Variants in LINC01488 observed in about 807,000 individuals in gnomAD.
The protein encoded by LINC01488 is CCND1-upstream intergenic DNA repair 1.
At chr11:69,487,701 G>A (rs906086427) in intron 1 of LINC01488, among the ~76,000 whole-genome samples, 4 of 152,164 alleles carry the variant, frequency 2.6e-5, no homozygotes, top group African/African-American at 9.7e-5. Flanking sequence ...GTGTGGGTGG[G>A]TGTCTCTTGT....
At chr11:69,488,683 C>T (rs995589774) in intron 1 of LINC01488, among the ~76,000 whole-genome samples, 3 of 152,236 alleles carry the variant, frequency 2.0e-5, no homozygotes, top group African/African-American at 4.8e-5. Context: ...CGCAGGGACA[C>T]ACAGCTCATG....
intron 1 of LINC01488, among the ~76,000 whole-genome samples, chr11:69,490,286 C>T (rs796460925): frequency 7.2e-5 from 11 of 152,334 alleles, no homozygotes; most frequent in African/African-American, 2.6e-4. Context: ...AGCGGTAAGG[C>T]TGGCAGGACT....
chr11:69,482,505 T>A (rs939735755), intron 1 of LINC01488, among the ~76,000 whole-genome samples: 1 of 151,330 alleles, frequency 6.6e-6, no homozygotes, highest in African/African-American at 2.4e-5. Context: ...CATGAATGGA[T>A]GAGTGGATGG....
intron 1 of LINC01488, among the ~76,000 whole-genome samples, chr11:69,482,075 AC>A (rs1439232236): frequency 2.0e-5 from 3 of 152,044 alleles, no homozygotes; most frequent in African/African-American, 7.2e-5. Flanking sequence ...ACAAAGACAT[AC>A]CTGAGACTGC....
chr11:69,487,089 G>A (rs1335306237), intron 1 of LINC01488, among the ~76,000 whole-genome samples: 1 of 152,240 alleles, frequency 6.6e-6, no homozygotes, highest in African/African-American at 2.4e-5. Flanking sequence ...GGTGGCCTGG[G>A]GCGGCTGCCG....
At chr11:69,485,498 G>A (rs1432922611) in intron 1 of LINC01488, 1 of 152,294 alleles carries the variant, frequency 6.6e-6, no homozygotes. Context: ...CTGCGGATGA[G>A]GTGGGACCCT....
intron 1 of LINC01488, chr11:69,485,879 C>G (rs1472196983): frequency 1.3e-5 from 2 of 152,222 alleles, no homozygotes; most frequent in African/African-American, 4.8e-5. Flanking sequence ...AGCAGGACCC[C>G]CTTGTTTAGC....
At chr11:69,485,061 G>C (rs1857092714) in intron 1 of LINC01488, among the ~76,000 whole-genome samples, 1 of 152,188 alleles carries the variant, frequency 6.6e-6, no homozygotes, top group South Asian at 2.1e-4. Context: ...CTTGTCCTGA[G>C]CTCAGCATGT....
At chr11:69,489,133 G>T (rs995422984) in intron 1 of LINC01488, among the ~76,000 whole-genome samples, 1 of 152,076 alleles carries the variant, frequency 6.6e-6, no homozygotes, top group Non-Finnish European at 1.5e-5. Context: ...CCCTCGGATT[G>T]GGGGGAGCTG....
intron 1 of LINC01488, among the ~76,000 whole-genome samples, chr11:69,484,645 C>A (rs1373753542): frequency 6.6e-6 from 1 of 152,242 alleles, no homozygotes; most frequent in African/African-American, 2.4e-5. Flanking sequence ...GAGAAGAGGA[C>A]ACCCCTCTGA....
intron 1 of LINC01488, chr11:69,485,757 G>T (rs530471202): frequency 1.3e-5 from 2 of 152,386 alleles, no homozygotes; most frequent in East Asian, 3.9e-4. Context: ...AGACGACAGG[G>T]CCAATGGGGT....
At chr11:69,487,157 C>G (rs1857136477) in intron 1 of LINC01488, among the ~76,000 whole-genome samples, 1 of 152,168 alleles carries the variant, frequency 6.6e-6, no homozygotes, top group African/African-American at 2.4e-5. Context: ...GGCAGGAATG[C>G]TGGAGGCCAC....
intron 1 of LINC01488, among the ~76,000 whole-genome samples, chr11:69,489,686 G>T (rs573681721): frequency 1.3e-5 from 2 of 152,346 alleles, no homozygotes; most frequent in South Asian, 4.1e-4. Context: ...TCCCCCGCAG[G>T]GACAGGGGCA....
intron 1 of LINC01488, among the ~76,000 whole-genome samples, chr11:69,486,525 C>G (rs901553443): frequency 2.6e-5 from 4 of 152,224 alleles, no homozygotes; most frequent in Non-Finnish European, 5.9e-5. Flanking sequence ...CCCAGGAACG[C>G]TCAGAACTGA....
At chr11:69,490,298 C>T (rs1857199452) in intron 1 of LINC01488, among the ~76,000 whole-genome samples, 1 of 152,170 alleles carries the variant, frequency 6.6e-6, no homozygotes, top group Admixed American at 6.5e-5. Context: ...GGCAGGACTG[C>T]GGAGGCGTGG....
At chr11:69,484,673 G>A (rs1857085959) in intron 1 of LINC01488, among the ~76,000 whole-genome samples, 1 of 152,250 alleles carries the variant, frequency 6.6e-6, no homozygotes, top group Non-Finnish European at 1.5e-5. Flanking sequence ...AAGTGGGCCG[G>A]CCCTGTGTCG....
chr11:69,489,880 G>T (rs77148013), intron 1 of LINC01488, among the ~76,000 whole-genome samples: 23,392 of 152,198 alleles, frequency 0.15, 2,141 homozygotes, highest in Admixed American at 0.24. Flanking sequence ...CAGCGGGTGA[G>T]GAGGGTAAGC....
At chr11:69,484,152 A>C (rs750476485) in intron 1 of LINC01488, among the ~76,000 whole-genome samples, 13 of 152,166 alleles carry the variant, frequency 8.5e-5, no homozygotes, top group Non-Finnish European at 1.3e-4. Flanking sequence ...CTCACTCCTT[A>C]GAACCTGCGT....
chr11:69,484,804 C>T (rs1857088205), intron 1 of LINC01488, among the ~76,000 whole-genome samples: 1 of 152,234 alleles, frequency 6.6e-6, no homozygotes, highest in Non-Finnish European at 1.5e-5. Flanking sequence ...TTGTCCTCCT[C>T]CTGCTGGGTC....
Sources: allele counts gnomAD v4.1 joint callset (sites outside exome capture counted in the v4.1 genomes callset), GRCh38; gene constraint gnomAD v4.1.1; transcripts MANE v1.5; gene names NCBI Gene and HGNC (gene_info 2026-07-23, HGNC 2026-07-21).